The following WBP2 variants were observed in gnomAD, a reference collection of about 807,000 sequenced individuals.
The protein encoded by WBP2 is WW domain-binding protein 2.
A neutral mutation model predicts 33.0 loss-of-function variants in WBP2; 23 were observed. That is an observed-to-expected ratio of 0.70 (90% CI 0.50 to 0.99). WBP2 has a LOEUF of 0.99. WBP2 is among the 50% of genes least tolerant of loss of function. The pLI is 0.00. For missense variants in WBP2, 353 were observed against 358.0 expected (o/e 0.99, Z 0.11); for synonymous variants, 153 against 133.5 (o/e 1.15, Z -1.01).
chr17:75,855,993 G>T (rs1599427983), upstream of WBP2, among the ~76,000 whole-genome samples: 1 of 152,160 alleles, frequency 6.6e-6, no homozygotes, highest in Non-Finnish European at 1.5e-5. Flanking sequence ...CGTGTGCCCC[G>T]CCTGGCTCCC....
rs749218696 is a variant in WBP2, at chr17:75,848,710, A to G, written c.305-48T>C. ...TAAACAGCACAGGAAAAGAAAACTT[A>G]TGCCCAAAGAGATGGCTGTTTTCCT... is the stretch of plus-strand genomic sequence containing the variant. On this transcript the variant is annotated intron_variant, in intron 3 of 7. Coordinates refer to ENST00000254806, the MANE Select transcript of WBP2 (RefSeq NM_012478.4). 6.6e-6 allele frequency: 10 copies of G among 1,523,428 alleles called. No individual in the cohort carries two copies. In the East Asian group the frequency reaches 2.3e-4, roughly 36 times the overall value. The allele number at this position is 1,523,428 out of a possible 1,614,324, so 94.4% of individuals were successfully genotyped here. A position where few individuals can be genotyped will look rare whatever the true frequency, so the allele number is the denominator to read the frequency against.
intron 4 of WBP2, chr17:75,848,297 T>C: frequency 1.7e-6 from 1 of 586,426 alleles, no homozygotes. Context: ...TTAGTGTTTG[T>C]TTTATGAGGC....
In WBP2 at chr17:75,848,584, T is replaced by G; in HGVS notation, c.383A>C (p.Gln128Pro). The G allele has an allele frequency of 1.9e-6, 3 of 1,613,968 alleles. No individual in the cohort carries two copies. The highest frequency in any genetic ancestry group is 2.5e-6 in the Non-Finnish European group (3 of 1,179,906). Reference protein sequence around the residue: ...GAIEFGQRMLQVASQASRGEV... With the variant: ...GAIEFGQRMLPVASQASRGEV... ...AGCCTGGATACCTTGAGATGCCACCTGGAGCATCCGCTGTCCGAACTCAAT... is the reference window on the plus strand; with the variant it reads ...AGCCTGGATACCTTGAGATGCCACCGGGAGCATCCGCTGTCCGAACTCAAT... Residue 128 changes from glutamine to proline, a missense_variant, in exon 4 of 8, where the codon CAG (glutamine) becomes CCG (proline). Physicochemically the swap from Gln to Pro is moderately conservative, Grantham distance 76. Coordinates refer to ENST00000254806, the MANE Select transcript of WBP2 (RefSeq NM_012478.4).
At chr17:75,849,088 TCCGGCC>T in intron 3 of WBP2, 2 of 248,444 alleles carry the variant, frequency 8.1e-6, no homozygotes, top group Non-Finnish European at 1.6e-5. Flanking sequence ...AAGGACAGAC[TCCGGCC>T]CCTCTAGCCT....
rs35071314 is a variant in WBP2 at position 75,847,548 on chromosome 17, C to T, written c.594G>A (p.Pro198=). The T allele has an allele frequency of 2.8e-3, 4,500 of 1,600,988 alleles. 97 individuals are homozygous for T. The African/African-American group carries it at 0.05, about 18-fold the overall frequency. ...GAMGYVQPPP[P]PYPGPMEPPV... ...GAGGTTCCATGGGCCCAGGGTAGGG[C>T]GGTGGTGGGGGCTGCACGTATCCCA... The change falls in exon 6 of 8, where the codon CCG becomes CCA. Residue 198 remains proline, a synonymous_variant. Coordinates refer to ENST00000254806, the MANE Select transcript of WBP2 (RefSeq NM_012478.4).
rs938665695 is a variant in WBP2, at chr17:75,852,905, C to T, written c.60-1229G>A. The T allele has an allele frequency of 2.7e-5, 17 of 625,206 alleles. No homozygotes were observed. The South Asian group carries it at 5.0e-4, about 18-fold the overall frequency. 38.7% of individuals were successfully genotyped at this position (625,206 alleles called of 1,614,324 possible). ...GTTCTTTTAAACCTGGGTTCTTAAG[C>T]GGGGTTTGCAGGAAAGTCCATGAAG... On this transcript the variant is annotated intron_variant, in intron 1 of 7. Coordinates refer to ENST00000254806, the MANE Select transcript of WBP2 (RefSeq NM_012478.4).
Position 75,846,451 on chromosome 17 carries a change from G to A in WBP2, c.*283C>T, listed in dbSNP as rs1567824619. 4.0e-6 allele frequency: 2 copies of A among 503,752 alleles called. No homozygotes were observed. The highest frequency in any genetic ancestry group is 7.1e-6 in the Non-Finnish European group (2 of 281,404). 31.2% of individuals were successfully genotyped at this position (503,752 alleles called of 1,614,324 possible). On this transcript the variant is annotated 3_prime_UTR_variant, in exon 8 of 8. Coordinates refer to ENST00000254806, the MANE Select transcript of WBP2 (RefSeq NM_012478.4). This position sits in a 1 kb window ranked among gnomAD's most constrained non-coding sequence, Gnocchi z 4.8. ...GTCCCTTCGAGGGGAGAAGCTGAGAGTGAAACAGGAACAGGGGATGCTCCG... is the reference window on the plus strand; with the variant it reads ...GTCCCTTCGAGGGGAGAAGCTGAGAATGAAACAGGAACAGGGGATGCTCCG...
In WBP2 at chr17:75,846,871, G is replaced by A. The variant is rs772638409; in HGVS notation, c.732+37C>T. ...CCCCCTGCGGCTCCCAGCATCTGCGGCTGTGGGGCTGCACCGGCACTGCCA... is the reference window on the plus strand; with the variant it reads ...CCCCCTGCGGCTCCCAGCATCTGCGACTGTGGGGCTGCACCGGCACTGCCA... On this transcript the variant is annotated intron_variant, in intron 7 of 7. Transcript: ENST00000254806. This position sits in a 1 kb window ranked among gnomAD's most constrained non-coding sequence, Gnocchi z 4.8. 3.1e-6 allele frequency: 5 copies of A among 1,613,570 alleles called. No homozygotes were observed. Among genetic ancestry groups the A allele is most frequent in the Non-Finnish European group, 4.2e-6 (5 of 1,179,810 alleles).
rs776062808 is a variant in WBP2, at chr17:75,851,661, A to T, written c.75T>A (p.Tyr25Ter). The T allele has an allele frequency of 6.2e-7, 1 of 1,613,124 alleles. No individual in the cohort carries two copies. Among genetic ancestry groups the T allele is most frequent in the South Asian group, 1.1e-5 (1 of 91,058 alleles). ...VNNTESILMSYDHVELTFNDM... is the reference protein window; with the variant it reads ...VNNTESILMS The stretch of plus-strand genomic sequence containing the variant: ...CATTGAATGTGAGTTCCACGTGATC[A>T]TAGGACATTAGGATGCTGTGATGAG... Residue 25 changes from tyrosine (Y) to a stop codon, truncating the protein, a stop_gained, in exon 2 of 8, where the codon TAT becomes TAA. Transcript: ENST00000254806. LOFTEE classifies it high-confidence loss of function.
intron 3 of WBP2, chr17:75,849,129 G>C: frequency 4.5e-6 from 1 of 221,406 alleles, no homozygotes; most frequent in Non-Finnish European, 9.1e-6. Context: ...GGGGGACCAA[G>C]AGTGTCTCAA....
rs956616474 is a variant in WBP2 at position 75,851,479 on chromosome 17, C to T, written c.168+89G>A. ...ACCAGGATTCAGAGGCCACCTGACTCATGAGGCTGAGGCAGACCTGAGACT... is the reference window on the plus strand; with the variant it reads ...ACCAGGATTCAGAGGCCACCTGACTTATGAGGCTGAGGCAGACCTGAGACT... On this transcript the variant is annotated intron_variant, in intron 2 of 7. Transcript: ENST00000254806. 1.4e-5 allele frequency: 14 copies of T among 987,840 alleles called. No homozygotes were observed. In the African/African-American group the frequency reaches 1.4e-4, roughly 10 times the overall value. 61.2% of individuals were successfully genotyped at this position (987,840 alleles called of 1,614,324 possible).
chr17:75,852,018 C>T (rs1160508773), intron 1 of WBP2: 2 of 207,724 alleles, frequency 9.6e-6, no homozygotes, highest in South Asian at 7.2e-5. Flanking sequence ...GCGGGAGAAT[C>T]GCTTGAACCC....
intron 5 of WBP2, 24 bp downstream of exon 5, chr17:75,847,772 G>A (rs553594119): frequency 6.5e-7 from 1 of 1,543,774 alleles, no homozygotes; most frequent in Non-Finnish European, 8.8e-7. Context: ...TGAGGGGAGT[G>A]GGGGCAGCAA....
Position 75,846,592 on chromosome 17 carries a change from A to G in WBP2, c.*142T>C. Reference sequence around the variant, plus strand: ...CCGAGGCCGGGGGCCCTAATGTCCCACAATGCTAGTTCCTGGTAATTGTTT... The same window carrying G: ...CCGAGGCCGGGGGCCCTAATGTCCCGCAATGCTAGTTCCTGGTAATTGTTT... On this transcript the variant is annotated 3_prime_UTR_variant, in exon 8 of 8. Transcript: ENST00000254806. This position sits in a 1 kb window ranked among gnomAD's most constrained non-coding sequence, Gnocchi z 4.8. The G allele has an allele frequency of 8.9e-7, 1 of 1,122,876 alleles. No homozygotes were observed. The highest frequency in any genetic ancestry group is 1.3e-6 in the Non-Finnish European group (1 of 764,070). The allele number at this position is 1,122,876 out of a possible 1,614,324, so 69.6% of individuals were successfully genotyped here.
Position 75,847,537 on chromosome 17 carries a change from C to A in WBP2, c.605G>T (p.Gly202Val). 6.3e-7 allele frequency: 1 copy of A among 1,597,816 alleles called. No homozygotes were observed. Among genetic ancestry groups the A allele is most frequent in the Non-Finnish European group, 8.5e-7 (1 of 1,171,442 alleles). ...YVQPPPPPYP[G>V]PMEPPVSGPD... ...GCCGCTGACCGGAGGTTCCATGGGC[C>A]CAGGGTAGGGCGGTGGTGGGGGCTG... Residue 202 changes from glycine (G) to valine (V), a missense_variant, in exon 6 of 8, where the codon GGG (glycine) becomes GTG (valine). By Grantham distance (109) the Gly-to-Val change is moderately radical. Transcript: ENST00000254806.
At position 75,846,682 on chromosome 17, in the gene WBP2, T is replaced by G; in HGVS notation, c.*52A>C. The G allele has an allele frequency of 2.8e-5, 41 of 1,483,040 alleles. No individual in the cohort carries two copies. The highest frequency in any genetic ancestry group is 4.9e-5 in the East Asian group (2 of 40,548). The allele number at this position is 1,483,040 out of a possible 1,614,324, so 91.9% of individuals were successfully genotyped here. On this transcript the variant is annotated 3_prime_UTR_variant, in exon 8 of 8. Transcript: ENST00000254806. The surrounding 1 kb of genome is among the most constrained non-coding windows in gnomAD (Gnocchi z 4.8). ...TCCCCAAGCCCCAGCACAGCCCCGATGGGAGGGGTAGGGTAGAGAGATGAG... is the reference window on the plus strand; with the variant it reads ...TCCCCAAGCCCCAGCACAGCCCCGAGGGGAGGGGTAGGGTAGAGAGATGAG...
chr17:75,847,012 G>C, intron 6 of WBP2, 28 bp from the exon 7 acceptor site: 1 of 1,613,584 alleles, frequency 6.2e-7, no homozygotes, highest in Non-Finnish European at 8.5e-7. Flanking sequence ...CCTGGTGTCG[G>C]TGACAAGTTC....
chr17:75,846,444 G>GTTC lies in WBP2; in HGVS notation c.*289_*290insGAA, dbSNP rs1320110911. On this transcript the variant is annotated 3_prime_UTR_variant, in exon 8 of 8. Transcript: ENST00000254806. This position sits in a 1 kb window ranked among gnomAD's most constrained non-coding sequence, Gnocchi z 4.8. ...CCAGAGAGTCCCTTCGAGGGGAGAA[G>GTTC]CTGAGAGTGAAACAGGAACAGGGGA... 1.6e-4 allele frequency: 79 copies of GTTC among 488,688 alleles called. 1 individual carries two copies. The South Asian group carries it at 1.7e-3, about 11-fold the overall frequency. 30.3% of individuals were successfully genotyped at this position (488,688 alleles called of 1,614,324 possible). A position where few individuals can be genotyped will look rare whatever the true frequency, so the allele number is the denominator to read the frequency against.
chr17:75,847,747 G>A, intron 5 of WBP2, 49 bp downstream of exon 5: 1 of 1,535,660 alleles, frequency 6.5e-7, no homozygotes, highest in Non-Finnish European at 8.8e-7. Context: ...GGGGGAGCCT[G>A]GGTAGGTGGG....
Sources: allele counts gnomAD v4.1 joint callset (sites outside exome capture counted in the v4.1 genomes callset), GRCh38; gene constraint gnomAD v4.1.1; non-coding constraint Gnocchi (gnomAD v3.1); transcripts MANE v1.5; gene names NCBI Gene and HGNC (gene_info 2026-07-23, HGNC 2026-07-21).